L3MBTL3: variants seen among roughly 807,000 people sequenced by gnomAD.
The protein encoded by L3MBTL3 is lethal(3)malignant brain tumor-like protein 3.
A neutral mutation model predicts 102.3 loss-of-function variants in L3MBTL3; 27 were observed. The ratio of observed to expected loss-of-function variants is 0.26; its 90% CI spans 0.19 to 0.36. L3MBTL3 has a LOEUF of 0.36. Among genes scored for constraint, L3MBTL3 ranks in the 10% least tolerant of loss-of-function variants. L3MBTL3 has a pLI of 1.00. For synonymous variants in L3MBTL3, 340 were observed against 320.9 expected, an observed-to-expected ratio of 1.06 and a Z score of -0.64; for missense variants, 798 against 955.3, an observed-to-expected ratio of 0.84 and a Z score of 2.17.
At chr6:130,054,830 A>T (rs1433505943) in intron 7 of L3MBTL3, among the ~76,000 whole-genome samples, 1 of 152,214 alleles carries the variant, frequency 6.6e-6, no homozygotes, top group Admixed American at 6.5e-5. Context: ...AGGGAACTGG[A>T]TTGGAGGAGA....
intron 18 of L3MBTL3, among the ~76,000 whole-genome samples, chr6:130,098,863 C>CTTTTTTTTTTTTT (rs11332477): frequency 2.5e-5 from 3 of 118,524 alleles, no homozygotes; most frequent in Non-Finnish European, 5.4e-5. Flanking sequence ...GTGTGTTTTT[C>CTTTTTTTTTTTTT]TTTTTTTTTT....
At position 130,078,567 on chromosome 6, in the gene L3MBTL3, A is replaced by C; in HGVS notation, c.1254A>C (p.Ala418=). ...TTTGTGTAACTTTCAGGTGTGAAGCATCAAGTCCACATATTCATCCAGTTG... is the reference window on the plus strand; with the variant it reads ...TTTGTGTAACTTTCAGGTGTGAAGCCTCAAGTCCACATATTCATCCAGTTG... The part of the protein sequence containing the change: ...WDESYDYWCE[A]SSPHIHPVGW... The change falls in exon 14 of 23, where the codon GCA becomes GCC. Residue 418 remains alanine, a synonymous_variant. Transcript: ENST00000361794. 1.2e-6 allele frequency: 2 copies of C among 1,609,870 alleles called. No individual in the cohort carries two copies. The highest frequency in any genetic ancestry group is 1.7e-6 in the Non-Finnish European group (2 of 1,176,816).
chr6:130,060,749 G>A (rs1444121696), intron 10 of L3MBTL3, among the ~76,000 whole-genome samples: 1 of 150,526 alleles, frequency 6.6e-6, no homozygotes, highest in Non-Finnish European at 1.5e-5. Flanking sequence ...AATTTTTCAG[G>A]AAAAAATGAC....
At chr6:130,048,192 G>A (rs183447841) in intron 3 of L3MBTL3, among the ~76,000 whole-genome samples, 3 of 152,258 alleles carry the variant, frequency 2.0e-5, no homozygotes, top group Non-Finnish European at 2.9e-5. Flanking sequence ...TGACTAAATC[G>A]ATTTTTTCGG....
At chr6:130,035,973 A>G (rs1484106215) in intron 2 of L3MBTL3, among the ~76,000 whole-genome samples, 1 of 106,422 alleles carries the variant, frequency 9.4e-6, no homozygotes, top group African/African-American at 3.8e-5. Context: ...TCTCTTACCT[A>G]CCTGTTTTGT....
intron 2 of L3MBTL3, among the ~76,000 whole-genome samples, chr6:130,038,828 A>G (rs1380654712): frequency 2.0e-5 from 3 of 152,120 alleles, no homozygotes; most frequent in African/African-American, 7.2e-5. Context: ...GAGGTCTGTA[A>G]AATCTGATTC....
At chr6:130,108,758 A>G (rs995233589) in intron 19 of L3MBTL3, among the ~76,000 whole-genome samples, 2 of 151,932 alleles carry the variant, frequency 1.3e-5, no homozygotes, top group Admixed American at 1.3e-4. Flanking sequence ...ACATAGGTAT[A>G]CATGTGCCAT....
At chr6:130,063,722 G>C (rs1331360392) in intron 10 of L3MBTL3, among the ~76,000 whole-genome samples, 2 of 152,106 alleles carry the variant, frequency 1.3e-5, no homozygotes, top group African/African-American at 2.4e-5. Context: ...TTCTCTGTAA[G>C]GCAACATCAC....
intron 20 of L3MBTL3, among the ~76,000 whole-genome samples, chr6:130,131,030 A>G (rs1402868866): frequency 6.6e-6 from 1 of 152,236 alleles, no homozygotes; most frequent in African/African-American, 2.4e-5. Context: ...TAAATTTAAC[A>G]AAAGATGTGC....
intron 13 of L3MBTL3, among the ~76,000 whole-genome samples, chr6:130,075,050 G>A (rs1015487235): frequency 6.6e-6 from 1 of 152,120 alleles, no homozygotes; most frequent in Non-Finnish European, 1.5e-5. Context: ...TAATAGGCTT[G>A]TCACTATTTG....
At chr6:130,058,864 G>T (rs1202276723) in intron 9 of L3MBTL3, among the ~76,000 whole-genome samples, 2 of 152,124 alleles carry the variant, frequency 1.3e-5, no homozygotes, top group African/African-American at 4.8e-5. Flanking sequence ...TTTAATCGTG[G>T]TATGTAATTA....
chr6:130,075,219 T>C lies in L3MBTL3; in HGVS notation c.1245-3339T>C, dbSNP rs944197027. 3.9e-5 allele frequency among the ~76,000 whole-genome samples: 6 copies of C among 152,030 alleles called. No individual in the cohort carries two copies. In the East Asian group the frequency reaches 9.6e-4, roughly 24 times the overall value. ...TGAGTGCAGGGCTAGATGGTGGTTA[T>C]TGCTTAATTTTTAGAACCAACCACT... On this transcript the variant is annotated intron_variant, in intron 13 of 22. Coordinates refer to ENST00000361794, the MANE Select transcript of L3MBTL3 (RefSeq NM_032438.4).
At chr6:130,030,665 T>TAAAAAAAAAAA (rs548921467) in intron 2 of L3MBTL3, among the ~76,000 whole-genome samples, 1 of 48,532 alleles carries the variant, frequency 2.1e-5, no homozygotes, top group African/African-American at 9.5e-5. Flanking sequence ...AGACTCTACC[T>TAAAAAAAAAAA]AAAAAAAAAA....
At chr6:130,057,298 C>CA (rs1409182481) in intron 8 of L3MBTL3, 108 bp from the exon 9 acceptor site, 5 of 825,868 alleles carry the variant, frequency 6.1e-6, no homozygotes, top group Admixed American at 4.1e-5. Context: ...TCCTGGAAGT[C>CA]AGAGAAGAGC....
At chr6:130,044,616 A>T (rs1432796019) in intron 3 of L3MBTL3, among the ~76,000 whole-genome samples, 12 of 152,100 alleles carry the variant, frequency 7.9e-5, no homozygotes, top group African/African-American at 2.7e-4. Flanking sequence ...TGACTTTCAG[A>T]CCCATCTAAT....
intron 2 of L3MBTL3, among the ~76,000 whole-genome samples, chr6:130,024,743 T>C (rs1265102767): frequency 2.0e-5 from 3 of 152,164 alleles, no homozygotes; most frequent in African/African-American, 4.8e-5. Flanking sequence ...CTTATGGTGT[T>C]GAACACTTAA....
intron 5 of L3MBTL3, 122 bp from the exon 6 acceptor site, chr6:130,051,127 C>T: frequency 1.4e-6 from 1 of 716,140 alleles, no homozygotes; most frequent in Non-Finnish European, 2.3e-6. Context: ...ATCATTCATT[C>T]ATTCAGCAAA....
intron 2 of L3MBTL3, among the ~76,000 whole-genome samples, chr6:130,029,883 G>A (rs1562249135): frequency 6.6e-6 from 1 of 152,040 alleles, no homozygotes; most frequent in African/African-American, 2.4e-5. Flanking sequence ...GCAGTGGGTG[G>A]TACAATCTTG....
chr6:130,042,721 A>G lies in L3MBTL3; in HGVS notation c.22A>G (p.Thr8Ala), dbSNP rs200776632. ...AATCATGACTGAATCTGCCTCTAGCACAAGTGGTCAAGAGTTTGATGTGTT... is the reference window on the plus strand; with the variant it reads ...AATCATGACTGAATCTGCCTCTAGCGCAAGTGGTCAAGAGTTTGATGTGTT... MTESASSTSGQEFDVFSV... is the reference protein window; with the variant it reads MTESASSASGQEFDVFSV... The change falls in exon 3 of 23, where the codon ACA becomes GCA. Residue 8 changes from threonine to alanine, a missense_variant. Thr to Ala is a moderately conservative substitution (Grantham distance 58, BLOSUM62 0). Transcript: ENST00000361794. 1 of 1,613,056 alleles carries G rather than the reference A, an allele frequency of 6.2e-7. No homozygotes were observed.
Sources: allele counts gnomAD v4.1 joint callset (sites outside exome capture counted in the v4.1 genomes callset), GRCh38; gene constraint gnomAD v4.1.1; transcripts MANE v1.5; gene names NCBI Gene and HGNC (gene_info 2026-07-23, HGNC 2026-07-21).